C12orf54: variants seen among roughly 807,000 people sequenced by gnomAD.
C12orf54 encodes the protein chromosome 12 open reading frame 54, also known as uncharacterized protein C12orf54.
A neutral mutation model predicts 26.4 loss-of-function variants in C12orf54; 24 were observed. The observed-to-expected ratio is 0.91, with a 90% confidence interval of 0.66 to 1.28. C12orf54 has a LOEUF of 1.28. Ranked by LOEUF, C12orf54 falls within the 50% of genes most tolerant of loss-of-function variation. The probability of loss-of-function intolerance (pLI) is 0.00; values close to 1 mark genes in which losing one functional copy is unlikely to be tolerated. For missense variants in C12orf54, 154 were observed against 150.9 expected (o/e 1.02, Z -0.11); for synonymous variants, 54 against 47.0 (o/e 1.15, Z -0.61).
At chr12:48,464,319 C>G in the C12orf54 span, among the ~76,000 whole-genome samples, 2 of 152,004 alleles carry the variant, frequency 1.3e-5, no homozygotes, top group Non-Finnish European at 2.9e-5. Flanking sequence ...CAATCCCATT[C>G]ACAATTGCCA....
At chr12:48,470,402 T>C in the C12orf54 span, among the ~76,000 whole-genome samples, 1 of 152,246 alleles carries the variant, frequency 6.6e-6, no homozygotes, top group Admixed American at 6.5e-5. Context: ...TGGTGGAAGA[T>C]GGTATCTCAT....
At chr12:48,455,820 T>C in the C12orf54 span, among the ~76,000 whole-genome samples, 3 of 152,222 alleles carry the variant, frequency 2.0e-5, no homozygotes, top group Admixed American at 6.5e-5. Context: ...CTGTCCTTCA[T>C]TGTCTGTTTG....
upstream of C12orf54, among the ~76,000 whole-genome samples, chr12:48,477,675 C>T (rs1954157506): frequency 6.6e-6 from 1 of 152,192 alleles, no homozygotes; most frequent in Non-Finnish European, 1.5e-5. Flanking sequence ...TCGACACATA[C>T]ATCCTCCCAA....
chr12:48,492,906 G>A (rs767632541), intron 6 of C12orf54, 41 bp from the exon 7 acceptor site: 2 of 1,580,958 alleles, frequency 1.3e-6, no homozygotes, highest in Non-Finnish European at 1.7e-6. Context: ...GACATGTCCA[G>A]GCCCCTGTAA....
chr12:48,459,197 C>T, the C12orf54 span, among the ~76,000 whole-genome samples: 1 of 152,144 alleles, frequency 6.6e-6, no homozygotes, highest in Non-Finnish European at 1.5e-5. Context: ...CCTGCTATCG[C>T]AGTGGTAGAA....
chr12:48,472,686 C>T, the C12orf54 span: 1 of 1,614,172 alleles, frequency 6.2e-7, no homozygotes, highest in Non-Finnish European at 8.5e-7. Context: ...CAAATGGATT[C>T]ATTTAGAGCT....
the C12orf54 span, among the ~76,000 whole-genome samples, chr12:48,461,468 G>C: frequency 6.6e-6 from 1 of 151,786 alleles, no homozygotes; most frequent in South Asian, 2.1e-4. Flanking sequence ...TATTTTCTGA[G>C]AGAGACCACA....
At chr12:48,448,155 C>T in the C12orf54 span, among the ~76,000 whole-genome samples, 1 of 152,170 alleles carries the variant, frequency 6.6e-6, no homozygotes, top group Non-Finnish European at 1.5e-5. Flanking sequence ...CTTGGTGAGA[C>T]TCTGACAGAG....
At chr12:48,490,015 C>G (rs1405862863) in intron 5 of C12orf54, among the ~76,000 whole-genome samples, 1 of 152,180 alleles carries the variant, frequency 6.6e-6, no homozygotes, top group Non-Finnish European at 1.5e-5. Context: ...AGCCACCCCG[C>G]TCAGCCAAGA....
At chr12:48,444,971 G>A in the C12orf54 span, among the ~76,000 whole-genome samples, 4 of 152,140 alleles carry the variant, frequency 2.6e-5, no homozygotes, top group African/African-American at 7.2e-5. Flanking sequence ...AGGAGATGGA[G>A]ACCATCCTGG....
At chr12:48,464,216 TCAG>T in the C12orf54 span, among the ~76,000 whole-genome samples, 1 of 151,956 alleles carries the variant, frequency 6.6e-6, no homozygotes, top group Admixed American at 6.6e-5. Flanking sequence ...GCTGATAATT[TCAG>T]CAATGTTTCA....
the C12orf54 span, among the ~76,000 whole-genome samples, chr12:48,420,728 T>G: frequency 6.6e-6 from 1 of 152,180 alleles, no homozygotes; most frequent in Non-Finnish European, 1.5e-5. Flanking sequence ...TCTGCTAATG[T>G]CATCTAGTAC....
At chr12:48,445,990 G>T in the C12orf54 span, among the ~76,000 whole-genome samples, 1 of 152,188 alleles carries the variant, frequency 6.6e-6, no homozygotes, top group Non-Finnish European at 1.5e-5. Context: ...GAAAGGAAGT[G>T]CCTGATGGAA....
chr12:48,490,680 G>A (rs1458850388), intron 5 of C12orf54, 132 bp from the exon 6 acceptor site: 13 of 975,016 alleles, frequency 1.3e-5, no homozygotes, highest in Non-Finnish European at 2.0e-5. Context: ...AATCTTGGGA[G>A]TTCCATGTCC....
At chr12:48,470,093 CA>C in the C12orf54 span, among the ~76,000 whole-genome samples, 1 of 152,290 alleles carries the variant, frequency 6.6e-6, no homozygotes, top group Non-Finnish European at 1.5e-5. Flanking sequence ...CCAGTCTAAC[CA>C]TTGATGAGCA....
chr12:48,440,177 A>G, the C12orf54 span, among the ~76,000 whole-genome samples: 1 of 151,938 alleles, frequency 6.6e-6, no homozygotes, highest in Admixed American at 6.6e-5. Flanking sequence ...GTGAACCGAG[A>G]TCGTGCCACT....
At chr12:48,489,671 C>T (rs1473198773) in intron 5 of C12orf54, among the ~76,000 whole-genome samples, 1 of 152,054 alleles carries the variant, frequency 6.6e-6, no homozygotes, top group Admixed American at 6.6e-5. Flanking sequence ...CCAGCCTTGG[C>T]CTCCCAAAGT....
intron 5 of C12orf54, 71 bp downstream of exon 5, chr12:48,489,027 C>T: frequency 6.9e-7 from 1 of 1,441,176 alleles, no homozygotes; most frequent in Non-Finnish European, 9.7e-7. Flanking sequence ...TTTTTCTTAC[C>T]CTACTGAGAT....
the C12orf54 span, among the ~76,000 whole-genome samples, chr12:48,428,813 T>C: frequency 6.6e-6 from 1 of 151,958 alleles, no homozygotes; most frequent in Admixed American, 6.6e-5. Context: ...CCTAATTCAT[T>C]CTATGAAGCC....
Sources: allele counts gnomAD v4.1 joint callset (sites outside exome capture counted in the v4.1 genomes callset), GRCh38; gene constraint gnomAD v4.1.1; transcripts MANE v1.5; gene names NCBI Gene and HGNC (gene_info 2026-07-23, HGNC 2026-07-21).